Variants in CPXM2 observed in about 807,000 individuals in gnomAD.
The protein encoded by CPXM2 is inactive carboxypeptidase-like protein X2.
CPXM2 carries 66 observed loss-of-function variants against 86.1 expected under a neutral mutation model. That is an observed-to-expected ratio of 0.77 (90% confidence interval 0.63 to 0.94). CPXM2 has a LOEUF of 0.94. Among genes scored for constraint, CPXM2 ranks in the 40% least tolerant of loss-of-function variants. The pLI, the probability that CPXM2 is intolerant of heterozygous loss-of-function variation, is 0.00. For missense variants in CPXM2, 948 were observed against 1,026.3 expected (o/e 0.92, Z 1.04); for synonymous variants, 388 against 400.2 (o/e 0.97, Z 0.36).
intron 4 of CPXM2, among the ~76,000 whole-genome samples, chr10:123,827,640 C>CAA (rs1848075333): frequency 6.6e-6 from 1 of 152,146 alleles, no homozygotes; most frequent in Non-Finnish European, 1.5e-5. Flanking sequence ...ATGCTATCTA[C>CAA]AAATGTACAC....
chr10:123,760,416 G>A (rs1173838710), intron 11 of CPXM2, among the ~76,000 whole-genome samples: 1 of 152,004 alleles, frequency 6.6e-6, no homozygotes, highest in Non-Finnish European at 1.5e-5. Flanking sequence ...GATGGATTTA[G>A]ATAAAATGCC....
chr10:123,766,562 T>C (rs1158024673), intron 10 of CPXM2, among the ~76,000 whole-genome samples: 3 of 152,170 alleles, frequency 2.0e-5, no homozygotes, highest in African/African-American at 7.2e-5. Flanking sequence ...TTCATTTTTC[T>C]TTCCAAAGAA....
At chr10:123,896,190 C>T (rs1327807206), upstream of CPXM2, among the ~76,000 whole-genome samples, 1 of 152,192 alleles carries the variant, frequency 6.6e-6, no homozygotes, top group African/African-American at 2.4e-5. Context: ...TTCACACCTG[C>T]TCATTTCCCT....
intron 6 of CPXM2, among the ~76,000 whole-genome samples, chr10:123,797,708 T>C (rs1465632019): frequency 3.3e-5 from 5 of 152,014 alleles, no homozygotes; most frequent in Non-Finnish European, 7.4e-5. Context: ...ACAGGCTCAC[T>C]CCACCATGCC....
intron 6 of CPXM2, among the ~76,000 whole-genome samples, chr10:123,788,963 T>G (rs1186158105): frequency 6.6e-6 from 1 of 150,580 alleles, no homozygotes; most frequent in Non-Finnish European, 1.5e-5. Flanking sequence ...TCACAAGAGA[T>G]TTTTCTTTAC....
At chr10:123,821,066 A>G (rs1183728345) in intron 4 of CPXM2, among the ~76,000 whole-genome samples, 1 of 152,130 alleles carries the variant, frequency 6.6e-6, no homozygotes, top group Non-Finnish European at 1.5e-5. Flanking sequence ...TTCTATTCTG[A>G]CCCAGGCTTG....
At chr10:123,935,793 A>G (rs1945710478) in intron 2 of CPXM2, among the ~76,000 whole-genome samples, 1 of 151,992 alleles carries the variant, frequency 6.6e-6, no homozygotes, top group Non-Finnish European at 1.5e-5. Flanking sequence ...TACCATCATC[A>G]TCACCACCAC....
chr10:123,827,195 A>G (rs1848066416), intron 4 of CPXM2, among the ~76,000 whole-genome samples: 1 of 152,202 alleles, frequency 6.6e-6, no homozygotes, highest in African/African-American at 2.4e-5. Flanking sequence ...AAATGTATTA[A>G]TAAAAATTAA....
intron 3 of CPXM2, among the ~76,000 whole-genome samples, chr10:123,855,237 A>G (rs1028218481): frequency 1.3e-5 from 2 of 152,136 alleles, no homozygotes; most frequent in African/African-American, 4.8e-5. Context: ...ATCAGAACAA[A>G]CACGACATTC....
chr10:123,880,145 TACCCACCCACCCTCCCTGAACA>T, intron 2 of CPXM2, 44 bp downstream of exon 2: 1 of 407,574 alleles, frequency 2.5e-6, no homozygotes, highest in Non-Finnish European at 4.8e-6. Context: ...CAGGGGCCTG[TACCCACCCACCCTCCCTGAACA>T]GGGCCTAGGA....
intron 6 of CPXM2, among the ~76,000 whole-genome samples, chr10:123,786,131 A>G (rs1847048299): frequency 6.6e-6 from 1 of 152,232 alleles, no homozygotes; most frequent in Non-Finnish European, 1.5e-5. Flanking sequence ...TGATTTATGC[A>G]GATGTAGCTT....
chr10:123,769,926 G>T (rs745850510), intron 8 of CPXM2, among the ~76,000 whole-genome samples: 63 of 152,344 alleles, frequency 4.1e-4, no homozygotes, highest in Non-Finnish European at 7.1e-4. Context: ...CATTGGCAAA[G>T]CTGCTGCTTT....
chr10:123,918,730 C>A (rs1945555398), intron 2 of CPXM2, among the ~76,000 whole-genome samples: 1 of 152,142 alleles, frequency 6.6e-6, no homozygotes, highest in Non-Finnish European at 1.5e-5. Flanking sequence ...ATGCTGTGAT[C>A]CCCTTCAGCA....
chr10:123,851,827 T>C (rs551994202), intron 3 of CPXM2, among the ~76,000 whole-genome samples: 1 of 150,714 alleles, frequency 6.6e-6, no homozygotes, highest in East Asian at 2.0e-4. Flanking sequence ...GCAGTCAGCT[T>C]AGAGCAGGAT....
chr10:123,940,418 C>T (rs889300598), upstream of CPXM2, among the ~76,000 whole-genome samples: 2 of 152,170 alleles, frequency 1.3e-5, no homozygotes, highest in African/African-American at 2.4e-5. Context: ...ATGATGTGCA[C>T]GGGACATCTG....
Position 123,809,543 on chromosome 10 carries a change from T to G in CPXM2, c.654-10344A>C, listed in dbSNP as rs111583112. On this transcript the variant is annotated intron_variant, in intron 4 of 13. Transcript: ENST00000241305. ...ATATAAATAGATATAAATACACTCA[T>G]GTAAATAGATATAGATACACTCACA... Among the ~76,000 whole-genome samples, 602 of 152,194 alleles carry G rather than the reference T, an allele frequency of 4.0e-3. 4 individuals carry two copies. Among genetic ancestry groups the G allele is most frequent in the African/African-American group, 0.014 (579 of 41,538 alleles).
intron 1 of CPXM2, among the ~76,000 whole-genome samples, chr10:123,880,685 C>T (rs1363238335): frequency 6.6e-6 from 1 of 151,792 alleles, no homozygotes; most frequent in African/African-American, 2.4e-5. Flanking sequence ...AAAAATTAGC[C>T]AGGCATGGTG....
At chr10:123,859,370 C>T (rs1848806337) in intron 3 of CPXM2, among the ~76,000 whole-genome samples, 1 of 152,236 alleles carries the variant, frequency 6.6e-6, no homozygotes, top group Admixed American at 6.5e-5. Flanking sequence ...GTGGCACTGG[C>T]TCTGGAAGAC....
chr10:123,759,445 G>A lies in CPXM2; in HGVS notation c.1778-2093C>T, dbSNP rs1846285007. 3.3e-5 allele frequency among the ~76,000 whole-genome samples: 5 copies of A among 152,242 alleles called. No homozygotes were observed. In the South Asian group the frequency reaches 8.3e-4, roughly 25 times the overall value. Reference sequence around the variant, plus strand: ...GAAGCTTTAGAAGAACTGGCAAAATGAGAAACCAGAGGGAGGTGGAGAAGC... The same window carrying A: ...GAAGCTTTAGAAGAACTGGCAAAATAAGAAACCAGAGGGAGGTGGAGAAGC... On this transcript the variant is annotated intron_variant, in intron 11 of 13. Transcript: ENST00000241305.
Sources: allele counts gnomAD v4.1 joint callset (sites outside exome capture counted in the v4.1 genomes callset), GRCh38; gene constraint gnomAD v4.1.1; transcripts MANE v1.5; gene names NCBI Gene and HGNC (gene_info 2026-07-23, HGNC 2026-07-21).